Variants in ANO3 observed in about 807,000 individuals in gnomAD.
ANO3 encodes the protein anoctamin 3.
In ANO3, 99 loss-of-function variants were observed where a neutral mutation model predicts 144.8. The ratio of observed to expected loss-of-function variants is 0.68; its 90% CI spans 0.58 to 0.81. The LOEUF (loss-of-function observed/expected upper bound fraction) is 0.81. Ranked by LOEUF, ANO3 falls within the 30% of genes least tolerant of loss-of-function variation. ANO3 has a pLI of 0.00. For missense variants in ANO3, 905 were observed against 1,202.2 expected (o/e 0.75, Z 3.66); for synonymous variants, 414 against 392.6 (o/e 1.05, Z -0.64).
intron 3 of ANO3, among the ~76,000 whole-genome samples, chr11:26,455,626 T>C (rs1372120534): frequency 1.3e-5 from 2 of 152,076 alleles, no homozygotes; most frequent in African/African-American, 2.4e-5. Flanking sequence ...AGAATCAATA[T>C]TGTGAAAATG....
At chr11:26,503,759 G>T (rs1342318858) in intron 4 of ANO3, among the ~76,000 whole-genome samples, 1 of 152,122 alleles carries the variant, frequency 6.6e-6, no homozygotes, top group Non-Finnish European at 1.5e-5. Context: ...AAAACAGATA[G>T]CTGTCTTTCT....
At chr11:26,624,973 G>T (rs1472108872) in intron 18 of ANO3, among the ~76,000 whole-genome samples, 1 of 151,118 alleles carries the variant, frequency 6.6e-6, no homozygotes, top group African/African-American at 2.4e-5. Flanking sequence ...CCAGAGTGGA[G>T]TGCGGTGGTG....
intron 1 of ANO3, among the ~76,000 whole-genome samples, chr11:26,366,704 T>C (rs546507510): frequency 6.6e-6 from 1 of 152,076 alleles, no homozygotes; most frequent in African/African-American, 2.4e-5. Context: ...ATTGTGGTTT[T>C]GATTTGCATT....
At position 26,245,018 on chromosome 11, in the gene ANO3, T is replaced by TGTGTGTGTGTGTGCGCGC. The variant is rs151031559; in HGVS notation, c.154+55691_154+55692insTGTGTGTGTGCGCGCGTG. ...GTGTGTGTGTGTGTGTGTGTGTGTG[T>TGTGTGTGTGTGTGCGCGC]GTGCATGCATGCATTTGTCTTTCAT... On this transcript the variant is annotated intron_variant, in intron 1 of 27. Coordinates refer to the ANO3 transcript ENST00000672621. 3.3e-3 allele frequency among the ~76,000 whole-genome samples: 476 copies of TGTGTGTGTGTGTGCGCGC among 145,420 alleles called. 7 individuals are homozygous for TGTGTGTGTGTGTGCGCGC. The highest frequency in any genetic ancestry group is 0.018 in the Middle Eastern group (5 of 284).
chr11:26,526,740 C>A (rs1184267160), intron 7 of ANO3, among the ~76,000 whole-genome samples: 1 of 152,096 alleles, frequency 6.6e-6, no homozygotes, highest in Non-Finnish European at 1.5e-5. Flanking sequence ...GAAATTAGCA[C>A]TGAAATAGCT....
intron 3 of ANO3, 21 bp from the exon 4 acceptor site, chr11:26,463,009 C>A: frequency 7.9e-7 from 1 of 1,265,928 alleles, no homozygotes; most frequent in Non-Finnish European, 1.1e-6. Flanking sequence ...ATGGATATAA[C>A]TTTCTCTTTC....
At chr11:26,422,905 T>C (rs1459114331) in intron 1 of ANO3, among the ~76,000 whole-genome samples, 6 of 151,988 alleles carry the variant, frequency 3.9e-5, no homozygotes, top group South Asian at 2.1e-4. Flanking sequence ...TCAGTTTAGA[T>C]TGTGTCAGTT....
intron 14 of ANO3, among the ~76,000 whole-genome samples, chr11:26,570,810 A>C (rs187421047): frequency 3.3e-5 from 5 of 152,222 alleles, no homozygotes; most frequent in Admixed American, 3.3e-4. Flanking sequence ...AATGTTGGAC[A>C]GTATTTTTAG....
intron 1 of ANO3, among the ~76,000 whole-genome samples, chr11:26,297,748 T>C (rs1313316075): frequency 1.3e-5 from 2 of 152,198 alleles, no homozygotes; most frequent in Non-Finnish European, 2.9e-5. Context: ...GTACCAAGTT[T>C]CCTTCCAAGA....
intron 1 of ANO3, among the ~76,000 whole-genome samples, chr11:26,357,517 A>AT (rs1332197550): frequency 2.0e-5 from 3 of 149,692 alleles, no homozygotes; most frequent in African/African-American, 7.4e-5. Flanking sequence ...TATCTTTTCA[A>AT]TTTTTTCTGT....
At chr11:26,470,056 T>G (rs1859725614) in intron 4 of ANO3, among the ~76,000 whole-genome samples, 1 of 151,850 alleles carries the variant, frequency 6.6e-6, no homozygotes, top group Admixed American at 6.6e-5. Context: ...CTAAAGGTAA[T>G]TTTGCCCTTT....
chr11:26,552,647 G>C (rs1849964396), intron 12 of ANO3, among the ~76,000 whole-genome samples: 1 of 152,056 alleles, frequency 6.6e-6, no homozygotes, highest in Non-Finnish European at 1.5e-5. Context: ...AAACTGAAGA[G>C]ATGTGTCATA....
At chr11:26,492,042 G>A (rs1860729937) in intron 4 of ANO3, among the ~76,000 whole-genome samples, 1 of 152,152 alleles carries the variant, frequency 6.6e-6, no homozygotes, top group Non-Finnish European at 1.5e-5. Context: ...GGGTTCCCCT[G>A]TTTTCTGAAG....
intron 14 of ANO3, among the ~76,000 whole-genome samples, chr11:26,586,403 C>T (rs1851279098): frequency 2.3e-5 from 3 of 130,868 alleles, no homozygotes; most frequent in Admixed American, 8.3e-5. Context: ...TGTCGTAAGA[C>T]AAATAATTAT....
chr11:26,610,405 G>GT (rs1852065596), intron 17 of ANO3, among the ~76,000 whole-genome samples: 1 of 135,826 alleles, frequency 7.4e-6, no homozygotes, highest in Non-Finnish European at 1.6e-5. Flanking sequence ...CAGGTTATTT[G>GT]TTTTTTTGTT....
intron 1 of ANO3, among the ~76,000 whole-genome samples, chr11:26,412,826 G>GTGTGTGTGTGTGTGTA (rs1157559353): frequency 3.6e-4 from 55 of 151,334 alleles, no homozygotes; most frequent in African/African-American, 1.2e-3. Flanking sequence ...GTGTGTGTGT[G>GTGTGTGTGTGTGTGTA]TGTATGTATG....
At position 26,429,462 on chromosome 11, in the gene ANO3, CA is replaced by C. The variant is rs10668197; in HGVS notation, c.47-12444del. ...CAAAATTTCCTAAATTCCAAAAGTTCAAAAAAAAAAAACATATCATGTAGAG... is the reference window on the plus strand; with the variant it reads ...CAAAATTTCCTAAATTCCAAAAGTTCAAAAAAAAAAACATATCATGTAGAG... On this transcript the variant is annotated intron_variant, in intron 1 of 26. Transcript: ENST00000256737. Among the ~76,000 whole-genome samples, 60 of 142,564 alleles carry C rather than the reference CA, an allele frequency of 4.2e-4. 1 individual carries two copies. The highest frequency in any genetic ancestry group is 1.1e-3 in the African/African-American group (44 of 39,012). 93.5% of individuals were successfully genotyped at this position (142,564 alleles called of 152,430 possible).
intron 1 of ANO3, among the ~76,000 whole-genome samples, chr11:26,367,292 T>C (rs574223088): frequency 6.6e-6 from 1 of 152,340 alleles, no homozygotes; most frequent in South Asian, 2.1e-4. Flanking sequence ...GTTGTCACTC[T>C]GATGTTCAAA....
chr11:26,617,751 C>T (rs557878516), intron 17 of ANO3, among the ~76,000 whole-genome samples: 18 of 152,104 alleles, frequency 1.2e-4, no homozygotes, highest in Admixed American at 2.0e-4. Context: ...ATAATACAGC[C>T]AACTCAAACA....
Sources: gnomAD v4.1 joint callset for allele counts (sites outside exome capture counted in the v4.1 genomes callset) on GRCh38, gnomAD v4.1.1 for gene constraint, MANE v1.5 for transcripts, NCBI Gene and HGNC (gene_info 2026-07-23, HGNC 2026-07-21) for gene names.